The following RBMS3 variants were observed in gnomAD, a reference collection of about 807,000 sequenced individuals.
The protein encoded by RBMS3 is RNA-binding motif, single-stranded-interacting protein 3.
RBMS3 carries 27 observed loss-of-function variants against 66.8 expected under a neutral mutation model. The ratio of observed to expected loss-of-function variants is 0.40; its 90% CI spans 0.30 to 0.56. The LOEUF (loss-of-function observed/expected upper bound fraction) is 0.56. RBMS3 is among the 20% of genes least tolerant of loss of function. The pLI is 0.40. For missense variants in RBMS3, 513 were observed against 549.5 expected (o/e 0.93, Z 0.66); for synonymous variants, 188 against 183.0 (o/e 1.03, Z -0.22).
At chr3:29,723,285 A>G (rs551337338) in intron 4 of RBMS3, among the ~76,000 whole-genome samples, 1 of 152,160 alleles carries the variant, frequency 6.6e-6, no homozygotes, top group African/African-American at 2.4e-5. Flanking sequence ...CTCACTCACT[A>G]GTTTTTACAT....
At chr3:29,906,839 A>C (rs555147706) in intron 10 of RBMS3, among the ~76,000 whole-genome samples, 4 of 152,132 alleles carry the variant, frequency 2.6e-5, no homozygotes, top group Non-Finnish European at 4.4e-5. Context: ...ACATGCATGC[A>C]TACAATATAC....
intron 3 of RBMS3, among the ~76,000 whole-genome samples, chr3:29,516,610 G>T (rs891346117): frequency 1.2e-4 from 18 of 151,986 alleles, no homozygotes; most frequent in African/African-American, 4.1e-4. Context: ...GCCTAAGAAG[G>T]TCTCACTGTG....
At chr3:29,689,630 T>C (rs2051886502) in intron 4 of RBMS3, among the ~76,000 whole-genome samples, 1 of 152,086 alleles carries the variant, frequency 6.6e-6, no homozygotes, top group African/African-American at 2.4e-5. Context: ...AGAATTTGTT[T>C]ACATGTACTG....
rs369768768 is a variant in RBMS3, at chr3:29,670,456, G to A, written c.400-69264G>A. Among the ~76,000 whole-genome samples, 5 of 152,270 alleles carry A rather than the reference G, an allele frequency of 3.3e-5. No individual in the cohort carries two copies. The East Asian group carries it at 5.8e-4, about 18-fold the overall frequency. On this transcript the variant is annotated intron_variant, in intron 4 of 14. Coordinates refer to ENST00000383767, the MANE Select transcript of RBMS3 (RefSeq NM_001003793.3). ...GTGAGCCGAAGCAGGGCAGGGCATC[G>A]CCTCACTCGGGAATCACAAGGGGTC... is the stretch of plus-strand genomic sequence containing the variant.
chr3:29,312,848 G>T (rs961470294), intron 1 of RBMS3, among the ~76,000 whole-genome samples: 10 of 151,634 alleles, frequency 6.6e-5, no homozygotes, highest in Non-Finnish European at 1.3e-4. Flanking sequence ...ATAATCCCAA[G>T]ATCTTTTGCC....
At chr3:29,283,046 C>G (rs2125408202) in intron 1 of RBMS3, among the ~76,000 whole-genome samples, 1 of 152,246 alleles carries the variant, frequency 6.6e-6, no homozygotes, top group African/African-American at 2.4e-5. Context: ...ACTAGCCCTC[C>G]TGCTCGGTGC....
At chr3:29,622,922 G>C (rs112796366) in intron 4 of RBMS3, among the ~76,000 whole-genome samples, 3 of 151,978 alleles carry the variant, frequency 2.0e-5, no homozygotes, top group Non-Finnish European at 1.5e-5. Flanking sequence ...GGAGACCATC[G>C]TGGCTAACAC....
At chr3:29,993,008 A>G (rs1698984429) in intron 14 of RBMS3, among the ~76,000 whole-genome samples, 1 of 152,188 alleles carries the variant, frequency 6.6e-6, no homozygotes, top group Admixed American at 6.5e-5. Context: ...TAACTTCAGT[A>G]TACATTAAGA....
intron 11 of RBMS3, 137 bp from the exon 12 acceptor site, chr3:29,944,070 T>A (rs1695136787): frequency 1.5e-6 from 1 of 648,614 alleles, no homozygotes. Flanking sequence ...GGAATCCTAA[T>A]GCCTTTACTG....
chr3:29,746,115 C>T (rs2577122), intron 5 of RBMS3, among the ~76,000 whole-genome samples: 20,399 of 152,114 alleles, frequency 0.13, 1,561 homozygotes, highest in East Asian at 0.25. Flanking sequence ...TATGAAAATA[C>T]AGGAATTTTA....
At chr3:29,848,224 C>T (rs1445783615) in intron 6 of RBMS3, among the ~76,000 whole-genome samples, 1 of 152,176 alleles carries the variant, frequency 6.6e-6, no homozygotes, top group African/African-American at 2.4e-5. Flanking sequence ...TCAGCCAGCG[C>T]ACCTGGACAG....
intron 5 of RBMS3, among the ~76,000 whole-genome samples, chr3:29,744,565 T>C (rs1042327548): frequency 1.3e-5 from 2 of 152,122 alleles, no homozygotes; most frequent in African/African-American, 4.8e-5. Flanking sequence ...AGGCAGATCA[T>C]GAGGTCAGGA....
chr3:29,933,169 G>C (rs1212785734), intron 10 of RBMS3, among the ~76,000 whole-genome samples: 1 of 152,100 alleles, frequency 6.6e-6, no homozygotes, highest in Non-Finnish European at 1.5e-5. Flanking sequence ...TAATGTGTTG[G>C]CAACATCTGT....
At chr3:29,469,869 A>G (rs1171343271) in intron 2 of RBMS3, among the ~76,000 whole-genome samples, 2 of 149,576 alleles carry the variant, frequency 1.3e-5, no homozygotes, top group Admixed American at 6.7e-5. Context: ...GTTAATTTTT[A>G]ATTTTTTACA....
At chr3:29,450,041 GCAGAGGAACCA>G (rs1443354915) in intron 2 of RBMS3, among the ~76,000 whole-genome samples, 1 of 152,150 alleles carries the variant, frequency 6.6e-6, no homozygotes, top group Non-Finnish European at 1.5e-5. Context: ...ACTGAGAGAA[GCAGAGGAACCA>G]CAGCCCCCAA....
chr3:29,311,326 A>G (rs1472895110), intron 1 of RBMS3, among the ~76,000 whole-genome samples: 1 of 151,776 alleles, frequency 6.6e-6, no homozygotes, highest in Non-Finnish European at 1.5e-5. Context: ...CTAGGTTTGA[A>G]AAATCTAATA....
At chr3:29,771,547 G>T (rs1003060206) in intron 6 of RBMS3, among the ~76,000 whole-genome samples, 1 of 151,954 alleles carries the variant, frequency 6.6e-6, no homozygotes, top group East Asian at 1.9e-4. Context: ...GAGTAATTAA[G>T]GTTACAGCAA....
chr3:29,553,790 C>A (rs530652906), intron 3 of RBMS3, among the ~76,000 whole-genome samples: 1 of 142,386 alleles, frequency 7.0e-6, no homozygotes. Flanking sequence ...ATTACAATAC[C>A]AAAATTAACT....
At chr3:29,863,220 G>T (rs879444443) in intron 6 of RBMS3, among the ~76,000 whole-genome samples, 2 of 150,720 alleles carry the variant, frequency 1.3e-5, no homozygotes, top group African/African-American at 4.9e-5. Context: ...CCTGTTGTGG[G>T]GTGGGGGGAG....
Sources: gnomAD v4.1 joint callset for allele counts (sites outside exome capture counted in the v4.1 genomes callset) on GRCh38, gnomAD v4.1.1 for gene constraint, MANE v1.5 for transcripts, NCBI Gene and HGNC (gene_info 2026-07-23, HGNC 2026-07-21) for gene names.